Variants in ARHGEF3 observed in about 807,000 individuals in gnomAD.
The protein encoded by ARHGEF3 is Rho guanine nucleotide exchange factor 3, also known as 59.8 kDA protein.
Under a neutral mutation model 63.2 loss-of-function variants are expected in ARHGEF3, and 28 were observed. That is an observed-to-expected ratio of 0.44 (90% CI 0.33 to 0.61). The LOEUF (loss-of-function observed/expected upper bound fraction) is 0.61. Ranked by LOEUF, ARHGEF3 falls within the 20% of genes least tolerant of loss-of-function variation. ARHGEF3 has a pLI of 0.03. For missense variants in ARHGEF3, 533 were observed against 659.3 expected (o/e 0.81, Z 2.10); for synonymous variants, 266 against 254.2 (o/e 1.05, Z -0.44).
intron 4 of ARHGEF3, among the ~76,000 whole-genome samples, chr3:56,858,134 C>G (rs1345283179): frequency 6.6e-6 from 1 of 150,716 alleles, no homozygotes. Flanking sequence ...GTCCCGGCTA[C>G]TCAGGAGGCT....
In ARHGEF3 at chr3:57,056,128, C is replaced by T. The variant is rs138192546; in HGVS notation, c.-27-20952G>A. ...AGAGGCCGGGTGCGGTGGCTCACACCTGTAATCCTAGAACTTTGGGAGGCT... is the reference window on the plus strand; with the variant it reads ...AGAGGCCGGGTGCGGTGGCTCACACTTGTAATCCTAGAACTTTGGGAGGCT... On this transcript the variant is annotated intron_variant, in intron 1 of 12. Transcript: ENST00000338458. Among the ~76,000 whole-genome samples the T allele has an allele frequency of 2.9e-3, 440 of 152,136 alleles. 1 individual carries two copies. The highest frequency in any genetic ancestry group is 3.4e-3 in the Middle Eastern group (1 of 294).
chr3:56,779,842 GTTAC>G (rs1380646644), intron 1 of ARHGEF3, among the ~76,000 whole-genome samples: 1 of 152,204 alleles, frequency 6.6e-6, no homozygotes, highest in East Asian at 1.9e-4. Context: ...TCTTAAGCAA[GTTAC>G]TTACTCAGTT....
chr3:56,935,610 C>T (rs1195020744), intron 3 of ARHGEF3, among the ~76,000 whole-genome samples: 2 of 152,100 alleles, frequency 1.3e-5, no homozygotes, highest in African/African-American at 2.4e-5. Context: ...ACTCCAGACG[C>T]TCTGCCTTAA....
At chr3:56,764,981 TCCTGAGCTCAGGCAATCCG>T (rs1448760663) in intron 2 of ARHGEF3, among the ~76,000 whole-genome samples, 2 of 152,054 alleles carry the variant, frequency 1.3e-5, no homozygotes, top group African/African-American at 4.8e-5. Flanking sequence ...GGTCTTGAAC[TCCTGAGCTCAGGCAATCCG>T]CCTGTCTCGG....
chr3:57,065,645 T>C (rs1232228672), intron 1 of ARHGEF3, among the ~76,000 whole-genome samples: 1 of 152,142 alleles, frequency 6.6e-6, no homozygotes, highest in Non-Finnish European at 1.5e-5. Flanking sequence ...CTATAATAAA[T>C]GTTTAATGTC....
chr3:56,737,750 G>A (rs1456350461), intron 7 of ARHGEF3, among the ~76,000 whole-genome samples: 1 of 152,142 alleles, frequency 6.6e-6, no homozygotes, highest in Non-Finnish European at 1.5e-5. Flanking sequence ...GAATGTAAGA[G>A]TCCAAAAGAG....
chr3:56,730,366 T>A (rs1322224004), intron 9 of ARHGEF3, among the ~76,000 whole-genome samples: 1 of 151,512 alleles, frequency 6.6e-6, no homozygotes, highest in African/African-American at 2.4e-5. Flanking sequence ...TAGTCCACAA[T>A]ATGGAAGACA....
intron 4 of ARHGEF3, among the ~76,000 whole-genome samples, chr3:56,861,208 G>T (rs2040061612): frequency 6.6e-6 from 1 of 152,226 alleles, no homozygotes; most frequent in African/African-American, 2.4e-5. Context: ...GTGGTGGTCA[G>T]TGCCAGGGTG....
intron 3 of ARHGEF3, among the ~76,000 whole-genome samples, chr3:56,956,033 G>T (rs943122937): frequency 1.3e-5 from 2 of 152,210 alleles, no homozygotes; most frequent in Non-Finnish European, 2.9e-5. Context: ...GGGCCCAGAA[G>T]AAATCAAGGC....
intron 4 of ARHGEF3, among the ~76,000 whole-genome samples, chr3:56,822,849 G>GAAAA (rs35895519): frequency 4.5e-5 from 6 of 131,972 alleles, no homozygotes; most frequent in African/African-American, 1.5e-4. Flanking sequence ...GTAAGACTCT[G>GAAAA]AAAAAAAAAA....
chr3:56,947,885 A>T (rs1699598245), intron 3 of ARHGEF3, among the ~76,000 whole-genome samples: 2 of 152,126 alleles, frequency 1.3e-5, no homozygotes, highest in African/African-American at 2.4e-5. Context: ...GAAGTAAAGC[A>T]CTCCTCAGCA....
At chr3:56,902,255 G>A (rs527468447) in intron 3 of ARHGEF3, among the ~76,000 whole-genome samples, 48 of 152,308 alleles carry the variant, frequency 3.2e-4, no homozygotes, top group African/African-American at 7.7e-4. Flanking sequence ...TAATTCTGGC[G>A]TTAGAAACAG....
chr3:56,792,963 T>C (rs2037160561), intron 1 of ARHGEF3, among the ~76,000 whole-genome samples: 1 of 151,944 alleles, frequency 6.6e-6, no homozygotes, highest in Non-Finnish European at 1.5e-5. Context: ...AATAAGTGTA[T>C]TATTTTCCTG....
At chr3:56,988,407 A>C (rs1252791931) in intron 2 of ARHGEF3, among the ~76,000 whole-genome samples, 4 of 152,132 alleles carry the variant, frequency 2.6e-5, no homozygotes, top group African/African-American at 9.7e-5. Context: ...TCGGCCTCCC[A>C]AAGTGCTGCG....
At chr3:57,025,384 C>T (rs113083708) in intron 2 of ARHGEF3, among the ~76,000 whole-genome samples, 14 of 152,296 alleles carry the variant, frequency 9.2e-5, no homozygotes, top group African/African-American at 2.9e-4. Context: ...TAGTCCCACC[C>T]GCTCACTTCA....
At chr3:56,776,573 T>A (rs941762418) in intron 1 of ARHGEF3, among the ~76,000 whole-genome samples, 1 of 152,160 alleles carries the variant, frequency 6.6e-6, no homozygotes, top group African/African-American at 2.4e-5. Flanking sequence ...AATAGAAGAT[T>A]AAAAAAATTC....
chr3:56,757,575 A>C (rs1185461640), intron 2 of ARHGEF3, among the ~76,000 whole-genome samples: 6 of 152,224 alleles, frequency 3.9e-5, no homozygotes, highest in Non-Finnish European at 8.8e-5. Context: ...AGCCTAAAAT[A>C]AAATCAGGAT....
chr3:57,059,473 T>C (rs915435248), intron 1 of ARHGEF3, among the ~76,000 whole-genome samples: 1 of 132,488 alleles, frequency 7.5e-6, no homozygotes, highest in African/African-American at 2.8e-5. Flanking sequence ...AAGTCACATT[T>C]TGGAGTCTGT....
chr3:56,886,776 G>A (rs931818432), intron 3 of ARHGEF3, among the ~76,000 whole-genome samples: 1 of 152,156 alleles, frequency 6.6e-6, no homozygotes, highest in African/African-American at 2.4e-5. Context: ...GTGGATAATG[G>A]TTATCATCTC....
Sources: allele counts gnomAD v4.1 joint callset (sites outside exome capture counted in the v4.1 genomes callset), GRCh38; gene constraint gnomAD v4.1.1; transcripts MANE v1.5; gene names NCBI Gene and HGNC (gene_info 2026-07-23, HGNC 2026-07-21).